The following KCNMB1 variants were observed in gnomAD, a reference collection of about 807,000 sequenced individuals.
KCNMB1 encodes the protein calcium-activated potassium channel subunit beta-1.
A neutral mutation model predicts 21.7 loss-of-function variants in KCNMB1; 22 were observed. That is an observed-to-expected ratio of 1.01 (90% CI 0.72 to 1.45). The LOEUF is 1.45. KCNMB1 is among the 40% of genes most tolerant of loss of function. The probability of loss-of-function intolerance (pLI) is 0.00; values close to 1 mark genes in which losing one functional copy is unlikely to be tolerated. For synonymous variants in KCNMB1, 114 were observed against 107.6 expected (o/e 1.06, Z -0.37); for missense variants, 243 against 243.4 (o/e 1.00, Z 0.01).
At chr5:170,384,975 C>T (rs368926720) in intron 2 of KCNMB1, among the ~76,000 whole-genome samples, 2 of 152,246 alleles carry the variant, frequency 1.3e-5, no homozygotes, top group East Asian at 3.8e-4. Context: ...GAGCTGTAAA[C>T]ATCTGCAATT....
intron 1 of KCNMB1, 145 bp from the exon 2 acceptor site, chr5:170,385,616 G>T: frequency 1.3e-6 from 1 of 793,898 alleles, no homozygotes; most frequent in Non-Finnish European, 2.0e-6. Context: ...CAGAAGTCTT[G>T]CTTTTTGGAC....
At position 170,385,433 on chromosome 5, in the gene KCNMB1, C is replaced by A; in HGVS notation, c.15G>T (p.Leu5=). MVKK[L]VMAQKRGETR... is the part of the protein sequence containing the mutation. ...TCTCTCCCCGCTTCTGGGCCATCAC[C>A]AGCTTCTTCACCATATTCACTGGGG... The change falls in exon 2 of 4, where the codon CTG becomes CTT. Residue 5 remains leucine, a synonymous_variant. Coordinates refer to ENST00000274629, the MANE Select transcript of KCNMB1 (RefSeq NM_004137.4). 2 of 1,614,172 alleles carry A rather than the reference C, an allele frequency of 1.2e-6. No individual in the cohort carries two copies. Among genetic ancestry groups the A allele is most frequent in the Non-Finnish European group, 1.7e-6 (2 of 1,180,028 alleles).
intron 3 of KCNMB1, among the ~76,000 whole-genome samples, chr5:170,381,215 C>T (rs890877602): frequency 6.6e-6 from 1 of 152,118 alleles, no homozygotes; most frequent in Non-Finnish European, 1.5e-5. Context: ...ACCCAGAAGC[C>T]GGGGCCTGAA....
intron 2 of KCNMB1, among the ~76,000 whole-genome samples, 195 bp from the exon 3 acceptor site, chr5:170,384,045 A>G (rs1436486657): frequency 6.6e-6 from 1 of 152,174 alleles, no homozygotes; most frequent in Non-Finnish European, 1.5e-5. Flanking sequence ...TAGAAGCTGG[A>G]TGGGGTCTTA....
At chr5:170,382,323 A>T (rs1015210838) in intron 3 of KCNMB1, among the ~76,000 whole-genome samples, 1 of 152,076 alleles carries the variant, frequency 6.6e-6, no homozygotes, top group Non-Finnish European at 1.5e-5. Context: ...CTAGTGTTGG[A>T]CCCTAGTTTT....
chr5:170,385,594 C>A (rs1199582902), intron 1 of KCNMB1, 123 bp from the exon 2 acceptor site: 5 of 931,940 alleles, frequency 5.4e-6, no homozygotes, highest in East Asian at 2.6e-5. Flanking sequence ...ATATTTGGAG[C>A]TTTGCAACTT....
At position 170,378,599 on chromosome 5, in the gene KCNMB1, T is replaced by A; in HGVS notation, c.*105A>T. ...GACAGCGTGGATTGGACTGGAAGAGTGGGAGGGCAGGTGGAGAAGGCATTG... is the reference window on the plus strand; with the variant it reads ...GACAGCGTGGATTGGACTGGAAGAGAGGGAGGGCAGGTGGAGAAGGCATTG... On this transcript the variant is annotated 3_prime_UTR_variant, in exon 4 of 4. Transcript: ENST00000274629. 8.5e-7 allele frequency: 1 copy of A among 1,181,682 alleles called. No individual in the cohort carries two copies. The highest frequency in any genetic ancestry group is 1.5e-5 in the African/African-American group (1 of 65,030). 73.2% of individuals were successfully genotyped at this position (1,181,682 alleles called of 1,614,324 possible). A position where few individuals can be genotyped will look rare whatever the true frequency, so the allele number is the denominator to read the frequency against.
chr5:170,387,903 T>A (rs975555739), intron 1 of KCNMB1, among the ~76,000 whole-genome samples: 3 of 152,204 alleles, frequency 2.0e-5, no homozygotes, highest in East Asian at 3.9e-4. Context: ...TTGAAGCCAA[T>A]GGGAAATCCC....
At chr5:170,386,860 A>G (rs1764495222) in intron 1 of KCNMB1, among the ~76,000 whole-genome samples, 1 of 152,036 alleles carries the variant, frequency 6.6e-6, no homozygotes, top group South Asian at 2.1e-4. Context: ...TTCTTTAGGC[A>G]GCAACTCCTT....
chr5:170,388,559 A>C (rs1315079159), intron 1 of KCNMB1, among the ~76,000 whole-genome samples: 1 of 152,226 alleles, frequency 6.6e-6, no homozygotes, highest in Non-Finnish European at 1.5e-5. Flanking sequence ...GATTCAGAGA[A>C]GATGGAGAAG....
intron 3 of KCNMB1, among the ~76,000 whole-genome samples, chr5:170,381,919 T>G (rs1581130681): frequency 6.6e-6 from 1 of 152,046 alleles, no homozygotes; most frequent in African/African-American, 2.4e-5. Context: ...CTCCACCGGG[T>G]GGGGCCGAGT....
At chr5:170,383,975 C>G (rs1013977887) in intron 2 of KCNMB1, 125 bp from the exon 3 acceptor site, 1 of 922,320 alleles carries the variant, frequency 1.1e-6, no homozygotes, top group African/African-American at 1.7e-5. Context: ...CTCATCTTGT[C>G]TTCAGCATCC....
intron 3 of KCNMB1, among the ~76,000 whole-genome samples, chr5:170,379,447 T>C (rs1764148603): frequency 6.6e-6 from 1 of 152,148 alleles, no homozygotes; most frequent in Non-Finnish European, 1.5e-5. Context: ...CCTACAGGGC[T>C]CATGAAGGTA....
In KCNMB1 at chr5:170,378,942, T is replaced by A; in HGVS notation, c.338A>T (p.Tyr113Phe). ...CSYIPGSVDN[Y>F]QTARADVEKV... Reference sequence around the variant, plus strand: ...CTCCACGTCGGCCCGGGCCGTCTGGTAATTGTCCACGCTGCCTGGGATGTA... The same window carrying A: ...CTCCACGTCGGCCCGGGCCGTCTGGAAATTGTCCACGCTGCCTGGGATGTA... Residue 113 changes from tyrosine (Y) to phenylalanine (F), a missense_variant, in exon 4 of 4, where the codon TAC becomes TTC. Tyr to Phe is a conservative substitution (Grantham distance 22). Transcript: ENST00000274629. 2 of 1,614,040 alleles carry A rather than the reference T, an allele frequency of 1.2e-6. No homozygotes were observed. The highest frequency in any genetic ancestry group is 2.2e-5 in the East Asian group (1 of 44,878).
At position 170,374,777 on chromosome 5, in the gene KCNMB1, A is replaced by AT. The variant is rs1263348357; in HGVS notation, c.*3926dup. 5 of 152,194 alleles carry AT rather than the reference A, an allele frequency of 3.3e-5. No individual in the cohort carries two copies. The highest frequency in any genetic ancestry group is 7.3e-5 in the Non-Finnish European group (5 of 68,032). 9.4% of individuals were successfully genotyped at this position (152,194 alleles called of 1,614,324 possible). A position where few individuals can be genotyped will look rare whatever the true frequency, so the allele number is the denominator to read the frequency against. On this transcript the variant is annotated 3_prime_UTR_variant, in exon 4 of 4. Transcript: ENST00000274629. ...CAGGGTCTAACTCCATCATGCCTAA[A>AT]TTCCCATTATTTCATGCTTATCCCG... is the stretch of plus-strand genomic sequence containing the variant.
Position 170,378,658 on chromosome 5 carries a change from C to A in KCNMB1, c.*46G>T. The A allele has an allele frequency of 6.5e-7, 1 of 1,545,718 alleles. No homozygotes were observed. ...GTGGGGAGCAGCCCTGGGGGCCCAG[C>A]CAGTCCCCTGTGCCCTGACAAGTGG... On this transcript the variant is annotated 3_prime_UTR_variant, in exon 4 of 4. Coordinates refer to ENST00000274629, the MANE Select transcript of KCNMB1 (RefSeq NM_004137.4).
rs1220246699 is a variant in KCNMB1 at position 170,375,850 on chromosome 5, TCAGTTTCGTTTTGCAAACGAGGAAA to T, written c.*2829_*2853del. ...AAAACTCTATGGAAAGATACTATTATCAGTTTCGTTTTGCAAACGAGGAAACAGGCACAGAAAGGTTATTCGTCCA... is the reference window on the plus strand; with the variant it reads ...AAAACTCTATGGAAAGATACTATTATCAGGCACAGAAAGGTTATTCGTCCA... On this transcript the variant is annotated 3_prime_UTR_variant, in exon 4 of 4. Transcript: ENST00000274629. The T allele has an allele frequency of 9.2e-5, 14 of 152,238 alleles. No homozygotes were observed. The highest frequency in any genetic ancestry group is 1.9e-4 in the Non-Finnish European group (13 of 68,046). 9.4% of individuals were successfully genotyped at this position (152,238 alleles called of 1,614,324 possible).
intron 1 of KCNMB1, among the ~76,000 whole-genome samples, chr5:170,387,478 G>A (rs6888827): frequency 0.02 from 3,018 of 152,222 alleles, 96 homozygotes; most frequent in African/African-American, 0.069. Flanking sequence ...CAGGCACCAC[G>A]GATACCCATC....
chr5:170,383,369 T>A, intron 3 of KCNMB1: 1 of 594,436 alleles, frequency 1.7e-6, no homozygotes, highest in Middle Eastern at 4.5e-4. Flanking sequence ...GCACTTTATA[T>A]ACAGCGTCTC....
Sources: gnomAD v4.1 joint callset for allele counts (sites outside exome capture counted in the v4.1 genomes callset) on GRCh38, gnomAD v4.1.1 for gene constraint, MANE v1.5 for transcripts, NCBI Gene and HGNC (gene_info 2026-07-23, HGNC 2026-07-21) for gene names.